Variants in NSD1 observed in about 807,000 individuals in gnomAD.
NSD1 encodes the protein nuclear receptor binding SET domain protein 1.
NSD1 carries 26 observed loss-of-function variants against 242.7 expected under a neutral mutation model. That is an observed-to-expected ratio of 0.11 (90% CI 0.08 to 0.15). NSD1 has a LOEUF of 0.15. Among genes scored for constraint, NSD1 ranks in the 10% least tolerant of loss-of-function variants. The pLI, the probability that NSD1 is intolerant of heterozygous loss-of-function variation, is 1.00. For synonymous variants in NSD1, 1,106 were observed against 1,178.1 expected, an observed-to-expected ratio of 0.94 and a Z score of 1.25; for missense variants, 2,495 against 3,272.8, an observed-to-expected ratio of 0.76 and a Z score of 5.80.
chr5:177,219,893 T>C (rs1764098383), intron 5 of NSD1, among the ~76,000 whole-genome samples: 1 of 151,782 alleles, frequency 6.6e-6, no homozygotes, highest in Admixed American at 6.6e-5. Context: ...ACCCAGGAGG[T>C]AGATGTTGCA....
chr5:177,256,808 T>C, intron 12 of NSD1, 143 bp from the exon 13 acceptor site: 1 of 696,922 alleles, frequency 1.4e-6, no homozygotes, highest in Non-Finnish European at 2.6e-6. Context: ...TCATTTATAA[T>C]AATACTAAGA....
chr5:177,282,937 A>C (rs1759006417), intron 19 of NSD1, among the ~76,000 whole-genome samples: 1 of 152,098 alleles, frequency 6.6e-6, no homozygotes, highest in African/African-American at 2.4e-5. Context: ...TATTTTACTG[A>C]TAAGATTATG....
At chr5:177,213,800 T>A (rs1010656810) in intron 5 of NSD1, among the ~76,000 whole-genome samples, 1 of 152,202 alleles carries the variant, frequency 6.6e-6, no homozygotes, top group African/African-American at 2.4e-5. Context: ...ATCTGTAGAT[T>A]TGTCTATTGT....
chr5:177,158,328 CT>C (rs1175696233), intron 2 of NSD1, among the ~76,000 whole-genome samples: 49 of 117,266 alleles, frequency 4.2e-4, no homozygotes, highest in African/African-American at 1.2e-3. Context: ...TCTTTTCTTT[CT>C]TTTCTTTCTT....
intron 4 of NSD1, among the ~76,000 whole-genome samples, chr5:177,207,182 CG>C (rs1762941000): frequency 6.6e-6 from 1 of 152,070 alleles, no homozygotes; most frequent in African/African-American, 2.4e-5. Context: ...GGTGACCCCC[CG>C]CCATCCCCCC....
chr5:177,159,025 TGA>T (rs1423948003), intron 2 of NSD1, among the ~76,000 whole-genome samples: 20 of 102,534 alleles, frequency 2.0e-4, no homozygotes, highest in African/African-American at 6.8e-4. Flanking sequence ...TATATATATA[TGA>T]ATGATATATA....
At chr5:177,161,515 G>A (rs556370655) in intron 2 of NSD1, among the ~76,000 whole-genome samples, 2 of 151,862 alleles carry the variant, frequency 1.3e-5, no homozygotes, top group South Asian at 2.1e-4. Context: ...ATAGAGATAG[G>A]GTCTTACTAT....
chr5:177,259,068 C>T (rs1422059651), intron 13 of NSD1, among the ~76,000 whole-genome samples: 7 of 152,172 alleles, frequency 4.6e-5, no homozygotes, highest in Non-Finnish European at 2.9e-5. Context: ...CCCCTGACCT[C>T]AGGTGATCTG....
At position 177,135,330 on chromosome 5, in the gene NSD1, A is replaced by G. The variant is rs1756223760; in HGVS notation, c.227A>G (p.Gln76Arg). ...TGTTACATTCCACTGCGGAGACTAC[A>G]GGATTTGGCCTCCATGATCAATGTA... ...PSCYIPLRRL[Q>R]DLASMINVEY... is the part of the protein sequence containing the mutation. The change falls in exon 2 of 23, where the codon CAG (glutamine) becomes CGG (arginine). Residue 76 changes from glutamine (Q) to arginine (R), a missense_variant. This residue lies in a region of NSD1 where 376 missense variants were observed against 367.4 expected (regional missense o/e 1.02). Coordinates refer to ENST00000439151, the MANE Select transcript of NSD1 (RefSeq NM_022455.5). 1.2e-6 allele frequency: 2 copies of G among 1,612,750 alleles called. No homozygotes were observed. Among genetic ancestry groups the G allele is most frequent in the Non-Finnish European group, 1.7e-6 (2 of 1,178,876 alleles).
chr5:177,238,091 C>T lies in NSD1; in HGVS notation c.3922-146C>T. 1 of 844,706 alleles carries T rather than the reference C, an allele frequency of 1.2e-6. No homozygotes were observed. Among genetic ancestry groups the T allele is most frequent in the Non-Finnish European group, 2.0e-6 (1 of 503,750 alleles). 52.3% of individuals were successfully genotyped at this position (844,706 alleles called of 1,614,324 possible). A position where few individuals can be genotyped will look rare whatever the true frequency, so the allele number is the denominator to read the frequency against. On this transcript the variant is annotated intron_variant, in intron 6 of 22. Coordinates refer to ENST00000439151, the MANE Select transcript of NSD1 (RefSeq NM_022455.5). The surrounding 1 kb of genome is among the most constrained non-coding windows in gnomAD (Gnocchi z 4.6). Reference sequence around the variant, plus strand: ...TGTTCTTTGTGTCTTAAGTAATTTCCCTTAGCATACATAATGTCTTCAAGG... The same window carrying T: ...TGTTCTTTGTGTCTTAAGTAATTTCTCTTAGCATACATAATGTCTTCAAGG...
intron 17 of NSD1, among the ~76,000 whole-genome samples, chr5:177,277,682 A>G (rs1562289361): frequency 6.6e-6 from 1 of 152,120 alleles, no homozygotes; most frequent in Non-Finnish European, 1.5e-5. Flanking sequence ...CCTGGGCAAC[A>G]TAGCAAAACC....
At chr5:177,196,990 G>T (rs115860054) in intron 3 of NSD1, among the ~76,000 whole-genome samples, 8 of 152,324 alleles carry the variant, frequency 5.3e-5, no homozygotes, top group South Asian at 4.1e-4. Flanking sequence ...CATTGTGGCT[G>T]GTTGTGGTGG....
intron 2 of NSD1, among the ~76,000 whole-genome samples, chr5:177,147,281 T>C (rs1757330790): frequency 6.6e-6 from 1 of 151,970 alleles, no homozygotes; most frequent in South Asian, 2.1e-4. Context: ...AATTTTTGTA[T>C]GTTTTTGTAG....
intron 5 of NSD1, among the ~76,000 whole-genome samples, chr5:177,232,118 T>TG (rs1765107430): frequency 6.6e-6 from 1 of 152,034 alleles, no homozygotes; most frequent in Non-Finnish European, 1.5e-5. Flanking sequence ...AGCCTGTTCT[T>TG]GAACTCCTGG....
At chr5:177,229,525 T>C (rs1483971378) in intron 5 of NSD1, among the ~76,000 whole-genome samples, 3 of 152,240 alleles carry the variant, frequency 2.0e-5, no homozygotes, top group Non-Finnish European at 4.4e-5. Flanking sequence ...CAAAAGGTCA[T>C]ATTCCTCCTT....
At chr5:177,288,578 TA>T (rs1759526025) in intron 20 of NSD1, 2 of 445,160 alleles carry the variant, frequency 4.5e-6, no homozygotes, top group Non-Finnish European at 8.2e-6. Context: ...TTGAGGTAAT[TA>T]ACACCTCTGG....
At chr5:177,243,231 T>C (rs1002923828) in intron 8 of NSD1, among the ~76,000 whole-genome samples, 2 of 152,132 alleles carry the variant, frequency 1.3e-5, no homozygotes, top group Non-Finnish European at 2.9e-5. Flanking sequence ...TCCCAGGCTG[T>C]TGTAGTGCAG....
intron 21 of NSD1, among the ~76,000 whole-genome samples, chr5:177,291,587 A>G (rs1019407199): frequency 2.0e-5 from 3 of 152,342 alleles, no homozygotes; most frequent in African/African-American, 7.2e-5. Flanking sequence ...CAGCAGGCGG[A>G]GGTTGCAGTG....
intron 20 of NSD1, among the ~76,000 whole-genome samples, chr5:177,285,919 G>A (rs1759288552): frequency 6.6e-6 from 1 of 152,082 alleles, no homozygotes; most frequent in Admixed American, 6.5e-5. Context: ...TTGTTGAAAC[G>A]GAGTCTCGCT....
Sources: allele counts gnomAD v4.1 joint callset (sites outside exome capture counted in the v4.1 genomes callset), GRCh38; gene constraint gnomAD v4.1.1; regional missense constraint gnomAD v4.1.1; non-coding constraint Gnocchi (gnomAD v3.1); transcripts MANE v1.5; gene names NCBI Gene and HGNC (gene_info 2026-07-23, HGNC 2026-07-21).